KSR1: variants seen among roughly 807,000 people sequenced by gnomAD.
KSR1 encodes the protein kinase suppressor of ras.
KSR1 carries 35 observed loss-of-function variants against 92.9 expected under a neutral mutation model. The observed-to-expected ratio is 0.38, with a 90% CI of 0.29 to 0.50. The LOEUF (loss-of-function observed/expected upper bound fraction) is 0.50, where lower values mean the gene tolerates loss of function less well. KSR1 is among the 20% of genes least tolerant of loss of function. The probability of loss-of-function intolerance (pLI) is 0.94; values close to 1 mark genes in which losing one functional copy is unlikely to be tolerated. For missense variants in KSR1, 972 were observed against 1,158.5 expected, an observed-to-expected ratio of 0.84 and a Z score of 2.34; for synonymous variants, 467 against 472.6, an observed-to-expected ratio of 0.99 and a Z score of 0.15.
intron 1 of KSR1, among the ~76,000 whole-genome samples, chr17:27,473,004 C>T (rs1223910451): frequency 1.3e-5 from 2 of 152,160 alleles, no homozygotes; most frequent in Non-Finnish European, 2.9e-5. Context: ...CTCTGTCTAC[C>T]TCTCTGGCTC....
At position 27,605,654 on chromosome 17, in the gene KSR1, G is replaced by A; in HGVS notation, c.1835G>A (p.Gly612Asp). Residue 612 changes from glycine to aspartate, a missense_variant, in exon 14 of 21, where the codon GGC becomes GAC. This residue lies in a region of KSR1 where 260 missense variants were observed against 375.2 expected (regional missense o/e 0.69). Coordinates refer to ENST00000644974, the MANE Select transcript of KSR1 (RefSeq NM_001394583.1). The part of the protein sequence containing the change: ...WGRVHRGRWH[G>D]EVAIRLLEMD... ...CGGGTGCACCGCGGCCGCTGGCATGGCGAGGTGGCCATTCGCCTGCTGGAG... is the reference window on the plus strand; with the variant it reads ...CGGGTGCACCGCGGCCGCTGGCATGACGAGGTGGCCATTCGCCTGCTGGAG... The A allele has an allele frequency of 6.2e-7, 1 of 1,612,062 alleles. No individual in the cohort carries two copies. The highest frequency in any genetic ancestry group is 8.5e-7 in the Non-Finnish European group (1 of 1,179,664).
intron 2 of KSR1, chr17:27,560,278 T>C (rs965929281): frequency 5.0e-6 from 2 of 399,058 alleles, no homozygotes; most frequent in Admixed American, 6.0e-5. Context: ...CCATTTTTTT[T>C]TTCTTTAGCA....
chr17:27,479,767 C>G (rs574404760), intron 1 of KSR1, among the ~76,000 whole-genome samples: 71 of 152,264 alleles, frequency 4.7e-4, no homozygotes, highest in African/African-American at 1.7e-3. Flanking sequence ...AATTACATCC[C>G]TGGGTCCAGA....
At chr17:27,524,779 A>G (rs943937953) in intron 1 of KSR1, among the ~76,000 whole-genome samples, 2 of 150,126 alleles carry the variant, frequency 1.3e-5, no homozygotes, top group African/African-American at 5.1e-5. Context: ...GGAGCAGAGA[A>G]AAAGAGATTA....
chr17:27,615,024 AGGCAGCCAGTGAGTTATTAATCATT>A (rs1291680874), intron 18 of KSR1, among the ~76,000 whole-genome samples: 4 of 152,200 alleles, frequency 2.6e-5, no homozygotes, highest in African/African-American at 9.6e-5. Context: ...TTATGTGCTG[AGGCAGCCAGTGAGTTATTAATCATT>A]GTATTTAAGG....
intron 2 of KSR1, among the ~76,000 whole-genome samples, chr17:27,552,566 A>G (rs1293979176): frequency 6.6e-6 from 1 of 152,118 alleles, no homozygotes; most frequent in Non-Finnish European, 1.5e-5. Flanking sequence ...TGCTGCCATG[A>G]GTCACCTCCA....
chr17:27,470,240 G>GTTTTTT, intron 1 of KSR1, among the ~76,000 whole-genome samples: 1 of 114,384 alleles, frequency 8.7e-6, no homozygotes, highest in Non-Finnish European at 1.8e-5. Flanking sequence ...TTTTGTTTGT[G>GTTTTTT]TTTTTTTTTT....
chr17:27,584,372 T>C (rs2072890047), intron 4 of KSR1, among the ~76,000 whole-genome samples: 1 of 152,134 alleles, frequency 6.6e-6, no homozygotes, highest in African/African-American at 2.4e-5. Flanking sequence ...ACAGCTCCGA[T>C]GGGTTTGAGT....
Position 27,605,419 on chromosome 17 carries a change from C to T in KSR1, c.1615-15C>T, listed in dbSNP as rs757746053. 181 of 1,604,862 alleles carry T rather than the reference C, an allele frequency of 1.1e-4. No homozygotes were observed. Among genetic ancestry groups the T allele is most frequent in the Non-Finnish European group, 1.5e-4 (175 of 1,178,120 alleles). On this transcript the variant is annotated splice_polypyrimidine_tract_variant and intron_variant, in intron 13 of 20. Transcript: ENST00000644974. ...GATCTGCTGCCCATCCCTGTTCTTC[C>T]TGCTCTCCTTTCAGGCTGAGGAGCC... is the stretch of plus-strand genomic sequence containing the variant.
At chr17:27,498,203 G>A (rs1007152842) in intron 1 of KSR1, among the ~76,000 whole-genome samples, 7 of 151,892 alleles carry the variant, frequency 4.6e-5, no homozygotes, top group Non-Finnish European at 8.8e-5. Context: ...GGTGGCGGGC[G>A]CCTGTGGTCC....
At chr17:27,516,939 C>T (rs1482824619) in intron 1 of KSR1, among the ~76,000 whole-genome samples, 1 of 152,198 alleles carries the variant, frequency 6.6e-6, no homozygotes, top group African/African-American at 2.4e-5. Context: ...CAAATTCCAA[C>T]CTGACTCTAG....
chr17:27,621,223 A>G lies in KSR1; in HGVS notation c.2658A>G (p.Gly886=). 2.5e-6 allele frequency: 1 copy of G among 398,612 alleles called. No individual in the cohort carries two copies. The highest frequency in any genetic ancestry group is 3.6e-5 in the East Asian group (1 of 28,076). 24.7% of individuals were successfully genotyped at this position (398,612 alleles called of 1,614,324 possible). Residue 886 remains glycine (G), a synonymous_variant, in exon 20 of 21, where the codon GGA becomes GGG. Coordinates refer to ENST00000644974, the MANE Select transcript of KSR1 (RefSeq NM_001394583.1). The part of the protein sequence containing the change: ...DRWRSRYYGK[G]RYGHPDFKSS... ...GGAGGAGCCGCTACTATGGAAAAGG[A>G]CGCTACGGCCACCCTGACTTTAAGA...
chr17:27,605,766 C>T lies in KSR1; in HGVS notation c.1947C>T (p.Leu649=), dbSNP rs1289587091. The part of the protein sequence containing the change: ...YRQTRHENVV[L]FMGACMNPPH... Reference sequence around the variant, plus strand: ...AGACGCGGCATGAGAACGTGGTGCTCTTCATGGGGGCCTGCATGAACCCGC... The same window carrying T: ...AGACGCGGCATGAGAACGTGGTGCTTTTCATGGGGGCCTGCATGAACCCGC... Residue 649 remains leucine (L), a synonymous_variant, in exon 14 of 21, where the codon CTC becomes CTT. Coordinates refer to ENST00000644974, the MANE Select transcript of KSR1 (RefSeq NM_001394583.1). The T allele has an allele frequency of 6.2e-7, 1 of 1,612,740 alleles. No individual in the cohort carries two copies.
chr17:27,471,142 G>C (rs981081685), intron 1 of KSR1, among the ~76,000 whole-genome samples: 2 of 152,162 alleles, frequency 1.3e-5, no homozygotes, highest in Non-Finnish European at 2.9e-5. Context: ...GTGCTGTAAA[G>C]GCGTGAGCCA....
In KSR1 at chr17:27,577,418, C is replaced by T; in HGVS notation, c.373-74C>T. The stretch of plus-strand genomic sequence containing the variant: ...CTGGCCCCTGCCACTCAGCAGGAGG[C>T]CAGCCTGAGGCTGAGGGGCTCCCGG... On this transcript the variant is annotated intron_variant, in intron 2 of 20. Transcript: ENST00000644974. This position sits in a 1 kb window ranked among gnomAD's most constrained non-coding sequence, Gnocchi z 4.5. The T allele has an allele frequency of 1.1e-6, 1 of 947,906 alleles. No homozygotes were observed. Among genetic ancestry groups the T allele is most frequent in the Non-Finnish European group, 1.6e-6 (1 of 629,276 alleles). 58.7% of individuals were successfully genotyped at this position (947,906 alleles called of 1,614,324 possible). A position where few individuals can be genotyped will look rare whatever the true frequency, so the allele number is the denominator to read the frequency against.
chr17:27,577,877 C>A lies in KSR1; in HGVS notation c.520+238C>A. 1.5e-6 allele frequency: 1 copy of A among 657,858 alleles called. No individual in the cohort carries two copies. Among genetic ancestry groups the A allele is most frequent in the Non-Finnish European group, 2.8e-6 (1 of 362,136 alleles). 40.8% of individuals were successfully genotyped at this position (657,858 alleles called of 1,614,324 possible). A position where few individuals can be genotyped will look rare whatever the true frequency, so the allele number is the denominator to read the frequency against. The stretch of plus-strand genomic sequence containing the variant: ...GGGGTTTCAGCCATGGTTAGAAATC[C>A]CAGGCCTGTCTGCTGGGCTGGGCTG... On this transcript the variant is annotated intron_variant, in intron 3 of 20. Coordinates refer to ENST00000644974, the MANE Select transcript of KSR1 (RefSeq NM_001394583.1). The surrounding 1 kb of genome is among the most constrained non-coding windows in gnomAD (Gnocchi z 4.5).
rs2068970395 is a variant in KSR1, at chr17:27,495,931, T to C, written c.231+39057T>C. 1.3e-5 allele frequency among the ~76,000 whole-genome samples: 2 copies of C among 152,228 alleles called. 1 individual carries two copies. The highest frequency in any genetic ancestry group is 4.1e-4 in the South Asian group (2 of 4,828). On this transcript the variant is annotated intron_variant, in intron 1 of 20. Coordinates refer to ENST00000644974, the MANE Select transcript of KSR1 (RefSeq NM_001394583.1). ...AGGGAACAGTTTGGAAAGTGCTTCC[T>C]TCCAAGAAGAGACGAGATGGTACTG... is the stretch of plus-strand genomic sequence containing the variant.
Position 27,610,079 on chromosome 17 carries a change from G to C in KSR1, c.2238G>C (p.Gln746His). ...GVVREGRREN[Q>H]LKLSHDWLCY... ...TCCTGGTCTCCAGGCGTGAGAACCA[G>C]CTAAAGCTGTCCCACGACTGGCTGT... is the stretch of plus-strand genomic sequence containing the variant. Residue 746 changes from glutamine (Q) to histidine (H), a missense_variant, in exon 17 of 21, where the codon CAG becomes CAC. Gln to His is a conservative substitution (Grantham distance 24). Transcript: ENST00000644974. 6.2e-7 allele frequency: 1 copy of C among 1,613,950 alleles called. No individual in the cohort carries two copies. The highest frequency in any genetic ancestry group is 8.5e-7 in the Non-Finnish European group (1 of 1,179,842).
intron 19 of KSR1, chr17:27,617,669 A>G (rs1301009392): frequency 2.2e-6 from 1 of 464,644 alleles, no homozygotes; most frequent in Non-Finnish European, 4.0e-6. Context: ...CTGGGACTGT[A>G]GGCACCTGCC....
Sources: gnomAD v4.1 joint callset for allele counts (sites outside exome capture counted in the v4.1 genomes callset) on GRCh38, gnomAD v4.1.1 for gene constraint, gnomAD v4.1.1 regional missense constraint, Gnocchi (gnomAD v3.1) non-coding constraint, MANE v1.5 for transcripts, NCBI Gene and HGNC (gene_info 2026-07-23, HGNC 2026-07-21) for gene names.